FILIP1L: variants seen among roughly 807,000 people sequenced by gnomAD.
FILIP1L encodes the protein filamin A-interacting protein 1-like.
FILIP1L carries 55 observed loss-of-function variants against 96.6 expected under a neutral mutation model. The ratio of observed to expected loss-of-function variants is 0.57; its 90% CI spans 0.46 to 0.71. The LOEUF (loss-of-function observed/expected upper bound fraction) is 0.71, where lower values mean the gene tolerates loss of function less well. FILIP1L is among the 30% of genes least tolerant of loss of function. The pLI, the probability that FILIP1L is intolerant of heterozygous loss-of-function variation, is 0.00. For missense variants in FILIP1L, 1,304 were observed against 1,321.2 expected, an observed-to-expected ratio of 0.99 and a Z score of 0.20; for synonymous variants, 467 against 473.9, an observed-to-expected ratio of 0.99 and a Z score of 0.19.
chr3:100,094,206 C>T (rs1014594557), intron 1 of FILIP1L, among the ~76,000 whole-genome samples: 7 of 152,140 alleles, frequency 4.6e-5, no homozygotes, highest in Non-Finnish European at 8.8e-5. Flanking sequence ...CTTTTCGTCA[C>T]TTGTCATCTA....
At chr3:100,109,230 T>G (rs2066445987) in intron 1 of FILIP1L, among the ~76,000 whole-genome samples, 1 of 152,092 alleles carries the variant, frequency 6.6e-6, no homozygotes, top group African/African-American at 2.4e-5. Flanking sequence ...AAAAAAAAAT[T>G]TTTCAATGAA....
intron 4 of FILIP1L, among the ~76,000 whole-genome samples, chr3:99,906,109 G>A (rs551736775): frequency 2.0e-5 from 3 of 152,164 alleles, no homozygotes; most frequent in South Asian, 2.1e-4. Context: ...TGGGAGGATC[G>A]CTTGAGCCCA....
rs749825700 is a variant in FILIP1L, at chr3:100,012,896, C to T, written c.-10-81866G>A. 7.9e-5 allele frequency among the ~76,000 whole-genome samples: 12 copies of T among 151,878 alleles called. No individual in the cohort carries two copies. In the South Asian group the frequency reaches 8.4e-4, roughly 11 times the overall value. On this transcript the variant is annotated intron_variant, in intron 1 of 5. Coordinates refer to ENST00000477258, the MANE Select transcript of FILIP1L (RefSeq NM_001387850.1). Reference sequence around the variant, plus strand: ...TCAAGCAGTCCTCCCATCTCAGCCTCCTAAGTAGCTAGGATTACAGACTGT... The same window carrying T: ...TCAAGCAGTCCTCCCATCTCAGCCTTCTAAGTAGCTAGGATTACAGACTGT...
intron 4 of FILIP1L, among the ~76,000 whole-genome samples, chr3:99,903,258 GT>G (rs11425482): frequency 2.1e-4 from 31 of 148,368 alleles, no homozygotes; most frequent in Non-Finnish European, 3.6e-4. Context: ...ACATATGCAT[GT>G]TTTTTTTTTT....
intron 1 of FILIP1L, among the ~76,000 whole-genome samples, chr3:100,084,125 C>G (rs2065971184): frequency 6.6e-6 from 1 of 152,170 alleles, no homozygotes; most frequent in Non-Finnish European, 1.5e-5. Context: ...GGCCATGAGA[C>G]CCATGTCATT....
At chr3:99,959,881 G>A (rs1367981519) in intron 1 of FILIP1L, among the ~76,000 whole-genome samples, 1 of 152,178 alleles carries the variant, frequency 6.6e-6, no homozygotes, top group Non-Finnish European at 1.5e-5. Flanking sequence ...CCCACTCAGT[G>A]TAGTAGGACT....
intron 1 of FILIP1L, among the ~76,000 whole-genome samples, chr3:99,967,558 G>A (rs1708691133): frequency 6.6e-6 from 1 of 152,118 alleles, no homozygotes; most frequent in African/African-American, 2.4e-5. Context: ...GGAATATGGT[G>A]AGTCCCTACA....
chr3:100,042,252 A>C (rs2065217243), intron 1 of FILIP1L, among the ~76,000 whole-genome samples: 1 of 152,222 alleles, frequency 6.6e-6, no homozygotes, highest in Non-Finnish European at 1.5e-5. Context: ...AAACAAACAG[A>C]ATGATCCAGT....
intron 4 of FILIP1L, among the ~76,000 whole-genome samples, chr3:99,909,069 CT>C (rs1706711408): frequency 6.6e-6 from 1 of 152,156 alleles, no homozygotes; most frequent in South Asian, 2.1e-4. Flanking sequence ...CAAAGGAATG[CT>C]TACCTGGAAA....
chr3:100,113,049 C>G (rs1231628790), intron 1 of FILIP1L, among the ~76,000 whole-genome samples: 1 of 152,198 alleles, frequency 6.6e-6, no homozygotes, highest in African/African-American at 2.4e-5. Flanking sequence ...ATCTAATACA[C>G]ACGTGGAATA....
At chr3:99,904,248 A>G (rs140172793) in intron 4 of FILIP1L, among the ~76,000 whole-genome samples, 1 of 152,340 alleles carries the variant, frequency 6.6e-6, no homozygotes, top group African/African-American at 2.4e-5. Flanking sequence ...TCACCATTAG[A>G]ATGTGCTTAT....
At chr3:99,929,829 G>C in intron 3 of FILIP1L, 27 bp downstream of exon 3, 1 of 1,556,948 alleles carries the variant, frequency 6.4e-7, no homozygotes, top group Non-Finnish European at 8.7e-7. Flanking sequence ...CTGCCTCCCA[G>C]GTACACACCC....
intron 1 of FILIP1L, among the ~76,000 whole-genome samples, chr3:99,983,422 A>ATATATATATG (rs1559713456): frequency 1.7e-4 from 15 of 86,926 alleles, no homozygotes; most frequent in Non-Finnish European, 3.0e-4. Context: ...ATATATATGT[A>ATATATATATG]TGTATGTATG....
intron 1 of FILIP1L, among the ~76,000 whole-genome samples, chr3:100,074,043 C>T (rs989848847): frequency 3.9e-5 from 6 of 152,136 alleles, no homozygotes; most frequent in South Asian, 2.1e-4. Flanking sequence ...CTGTTAACTG[C>T]GGGAAAAGGT....
At chr3:99,861,331 CCT>C (rs1247953370) in intron 4 of FILIP1L, among the ~76,000 whole-genome samples, 32 of 152,204 alleles carry the variant, frequency 2.1e-4, no homozygotes, top group African/African-American at 7.7e-4. Context: ...CCCTGGCTGC[CCT>C]GTCCCTCTAG....
chr3:99,932,842 G>C (rs1054872101), intron 1 of FILIP1L, among the ~76,000 whole-genome samples: 1 of 152,162 alleles, frequency 6.6e-6, no homozygotes, highest in African/African-American at 2.4e-5. Flanking sequence ...ATTGAGCCAA[G>C]ATCGCGCCCG....
At chr3:99,831,351 AT>A (rs1213042505) in intron 5 of FILIP1L, among the ~76,000 whole-genome samples, 1 of 152,232 alleles carries the variant, frequency 6.6e-6, no homozygotes, top group Non-Finnish European at 1.5e-5. Flanking sequence ...CACCCATGCT[AT>A]TGGTTGTTAA....
chr3:99,938,294 C>A (rs1182439695), intron 1 of FILIP1L, among the ~76,000 whole-genome samples: 1 of 152,202 alleles, frequency 6.6e-6, no homozygotes, highest in African/African-American at 2.4e-5. Context: ...AATTTGACAG[C>A]ACCATTAACC....
At chr3:99,844,017 T>C (rs1943253146) in intron 5 of FILIP1L, among the ~76,000 whole-genome samples, 1 of 148,902 alleles carries the variant, frequency 6.7e-6, no homozygotes, top group Non-Finnish European at 1.5e-5. Context: ...GGAAAAATTG[T>C]CTTCCATGAA....
Sources: allele counts gnomAD v4.1 joint callset (sites outside exome capture counted in the v4.1 genomes callset), GRCh38; gene constraint gnomAD v4.1.1; transcripts MANE v1.5; gene names NCBI Gene and HGNC (gene_info 2026-07-23, HGNC 2026-07-21).